The following CORO2B variants were observed in gnomAD, a reference collection of about 807,000 sequenced individuals.
The protein encoded by CORO2B is coronin 2B, also known as coronin-2B.
In CORO2B, 26 loss-of-function variants were observed where a neutral mutation model predicts 58.8. The ratio of observed to expected loss-of-function variants is 0.44; its 90% confidence interval spans 0.32 to 0.61. CORO2B has a LOEUF of 0.61. CORO2B is among the 20% of genes least tolerant of loss of function. The probability of loss-of-function intolerance (pLI) is 0.04; values close to 1 mark genes in which losing one functional copy is unlikely to be tolerated. For synonymous variants in CORO2B, 242 were observed against 253.8 expected (o/e 0.95, Z 0.44); for missense variants, 460 against 645.1 (o/e 0.71, Z 3.11).
At chr15:68,704,574 G>A (rs1456723915) in intron 3 of CORO2B, among the ~76,000 whole-genome samples, 1 of 152,056 alleles carries the variant, frequency 6.6e-6, no homozygotes, top group Non-Finnish European at 1.5e-5. Flanking sequence ...CCACGTGCAG[G>A]GACAGTTGGT....
chr15:68,678,739 C>A (rs1289204255), intron 2 of CORO2B, among the ~76,000 whole-genome samples: 1 of 152,182 alleles, frequency 6.6e-6, no homozygotes, highest in Non-Finnish European at 1.5e-5. Context: ...GTGGCATAGC[C>A]AGCACCAGGC....
At chr15:68,592,986 G>A (rs1899741938) in intron 1 of CORO2B, among the ~76,000 whole-genome samples, 1 of 152,222 alleles carries the variant, frequency 6.6e-6, no homozygotes, top group African/African-American at 2.4e-5. Context: ...TGGTTCTAGA[G>A]ACTAAGAAGT....
intron 1 of CORO2B, among the ~76,000 whole-genome samples, chr15:68,591,006 C>A (rs1401928558): frequency 6.6e-6 from 1 of 152,140 alleles, no homozygotes; most frequent in Non-Finnish European, 1.5e-5. Flanking sequence ...TGTGCCAGGC[C>A]CTAAGCGGCA....
the CORO2B span, among the ~76,000 whole-genome samples, chr15:68,561,321 GC>G: frequency 6.6e-6 from 1 of 152,140 alleles, no homozygotes; most frequent in Non-Finnish European, 1.5e-5. Flanking sequence ...CCATTTTGGA[GC>G]GTTTGGGCAG....
At chr15:68,591,481 G>T (rs2140567256) in intron 1 of CORO2B, among the ~76,000 whole-genome samples, 1 of 152,322 alleles carries the variant, frequency 6.6e-6, no homozygotes. Context: ...GAGCTTCATT[G>T]TGTGGTGTTG....
chr15:68,575,370 G>A (rs1479378866), upstream of CORO2B, among the ~76,000 whole-genome samples: 1 of 149,488 alleles, frequency 6.7e-6, no homozygotes, highest in African/African-American at 2.5e-5. Flanking sequence ...CTGAGACTTC[G>A]TCTGTCACTC....
chr15:68,617,573 G>C (rs1167260964), intron 1 of CORO2B, among the ~76,000 whole-genome samples: 1 of 152,188 alleles, frequency 6.6e-6, no homozygotes, highest in Non-Finnish European at 1.5e-5. Context: ...GTGTGTGTGT[G>C]TATGCACATG....
chr15:68,536,450 G>A, the CORO2B span, among the ~76,000 whole-genome samples: 28 of 152,330 alleles, frequency 1.8e-4, no homozygotes, highest in Non-Finnish European at 3.4e-4. Context: ...TAGCCAATGA[G>A]AATCTTAAGT....
Position 68,656,284 on chromosome 15 carries a change from G to A in CORO2B, c.216+10924G>A, listed in dbSNP as rs527800546. On this transcript the variant is annotated intron_variant, in intron 2 of 11. Transcript: ENST00000261861. ...GCATTCACAGCCTCACGTGTCAAGA[G>A]ACAGATCTGTGACATCAGCATCACA... 1.3e-4 allele frequency among the ~76,000 whole-genome samples: 19 copies of A among 151,340 alleles called. No homozygotes were observed. The East Asian group carries it at 2.7e-3, about 22-fold the overall frequency.
chr15:68,618,201 A>G (rs781130465), intron 1 of CORO2B, among the ~76,000 whole-genome samples: 1 of 152,114 alleles, frequency 6.6e-6, no homozygotes, highest in South Asian at 2.1e-4. Context: ...TATGCACTCT[A>G]TTTTCTAGTC....
chr15:68,531,712 A>G, the CORO2B span, among the ~76,000 whole-genome samples: 1 of 151,894 alleles, frequency 6.6e-6, no homozygotes, highest in Non-Finnish European at 1.5e-5. Flanking sequence ...AAGAAAAAAT[A>G]TTTTATATTT....
chr15:68,698,425 G>A (rs116960175), intron 3 of CORO2B, among the ~76,000 whole-genome samples: 499 of 152,268 alleles, frequency 3.3e-3, no homozygotes, highest in Middle Eastern at 0.014. Flanking sequence ...GTCCTAGCTC[G>A]GCGTCTTATT....
intron 1 of CORO2B, among the ~76,000 whole-genome samples, chr15:68,599,398 G>C (rs111475210): frequency 1.3e-4 from 20 of 152,282 alleles, no homozygotes; most frequent in African/African-American, 4.8e-4. Context: ...CCCTATAGAT[G>C]TTCAATTACA....
chr15:68,629,935 G>C (rs972478360), intron 1 of CORO2B, among the ~76,000 whole-genome samples: 9 of 152,160 alleles, frequency 5.9e-5, no homozygotes, highest in Admixed American at 4.6e-4. Context: ...TAAAAACCAG[G>C]AATCCAAAAG....
intron 1 of CORO2B, 148 bp downstream of exon 1, chr15:68,579,425 T>C: frequency 2.4e-6 from 2 of 824,926 alleles, no homozygotes; most frequent in Non-Finnish European, 3.1e-6. Context: ...CCGGATCCGC[T>C]CGAGTCACTC....
chr15:68,624,454 A>T (rs972165958), intron 1 of CORO2B, among the ~76,000 whole-genome samples: 7 of 152,226 alleles, frequency 4.6e-5, no homozygotes, highest in Admixed American at 2.6e-4. Flanking sequence ...AATCGTGATC[A>T]GCACCACATG....
At chr15:68,689,563 T>C (rs1892304859) in intron 2 of CORO2B, among the ~76,000 whole-genome samples, 1 of 152,192 alleles carries the variant, frequency 6.6e-6, no homozygotes, top group African/African-American at 2.4e-5. Context: ...TTGGTGTTAG[T>C]GTATTAGTGT....
At chr15:68,719,606 A>C in intron 11 of CORO2B, 54 bp downstream of exon 11, 2 of 1,554,518 alleles carry the variant, frequency 1.3e-6, no homozygotes, top group Non-Finnish European at 8.7e-7. Context: ...AGACCTTTAC[A>C]TTTCAATTAT....
intron 2 of CORO2B, among the ~76,000 whole-genome samples, chr15:68,649,890 G>A (rs1901577249): frequency 1.3e-5 from 2 of 152,266 alleles, no homozygotes; most frequent in South Asian, 4.1e-4. Flanking sequence ...TCAAGAGAGA[G>A]AATGAGAGTG....
Sources: gnomAD v4.1 joint callset for allele counts (sites outside exome capture counted in the v4.1 genomes callset) on GRCh38, gnomAD v4.1.1 for gene constraint, MANE v1.5 for transcripts, NCBI Gene and HGNC (gene_info 2026-07-23, HGNC 2026-07-21) for gene names.